The following WIPI1 variants were observed in gnomAD, a reference collection of about 807,000 sequenced individuals.
WIPI1 encodes WD repeat domain, phosphoinositide interacting 1.
In WIPI1, 45 loss-of-function variants were observed where a neutral mutation model predicts 55.3. The observed-to-expected ratio is 0.81, with a 90% CI of 0.64 to 1.04. WIPI1 has a LOEUF of 1.04. Among genes scored for constraint, WIPI1 ranks in the 50% least tolerant of loss-of-function variants. The pLI, the probability that WIPI1 is intolerant of heterozygous loss-of-function variation, is 0.00. For missense variants in WIPI1, 445 were observed against 559.0 expected (o/e 0.80, Z 2.06); for synonymous variants, 195 against 217.6 (o/e 0.90, Z 0.92).
chr17:68,421,997 G>A, intron 12 of WIPI1, 177 bp from the exon 13 acceptor site: 1 of 673,880 alleles, frequency 1.5e-6, no homozygotes, highest in Non-Finnish European at 2.6e-6. Context: ...TTTAGGTGTA[G>A]ACAAGTATGA....
At chr17:68,424,099 G>C (rs572361002) in intron 12 of WIPI1, among the ~76,000 whole-genome samples, 2 of 152,290 alleles carry the variant, frequency 1.3e-5, no homozygotes, top group African/African-American at 4.8e-5. Flanking sequence ...TTTAAGGCCA[G>C]TTGGGGCCAT....
intron 4 of WIPI1, among the ~76,000 whole-genome samples, chr17:68,443,560 A>C (rs1038251634): frequency 7.0e-6 from 1 of 142,194 alleles, no homozygotes; most frequent in African/African-American, 2.5e-5. Context: ...TCACTTTCAC[A>C]AACATTACCT....
intron 10 of WIPI1, 64 bp downstream of exon 10, chr17:68,428,765 G>T: frequency 7.7e-7 from 1 of 1,304,794 alleles, no homozygotes; most frequent in African/African-American, 1.5e-5. Context: ...GTCGTTCTTG[G>T]CGAAGGGACA....
chr17:68,453,479 CTTTTTTT>C (rs112934024), intron 1 of WIPI1, among the ~76,000 whole-genome samples: 4 of 136,200 alleles, frequency 2.9e-5, no homozygotes, highest in African/African-American at 8.2e-5. Flanking sequence ...TTTTCTTTTC[CTTTTTTT>C]TTTTTTTTTT....
At position 68,421,672 on chromosome 17, in the gene WIPI1, C is replaced by G. The variant is rs186251334; in HGVS notation, c.*101G>C. The G allele has an allele frequency of 1.1e-4, 173 of 1,539,014 alleles. No individual in the cohort carries two copies. Among genetic ancestry groups the G allele is most frequent in the Admixed American group, 3.0e-4 (18 of 59,808 alleles). Reference sequence around the variant, plus strand: ...GTGGAGCACCCGGGATTCCTGCCCCCCTTTCTGCTCACACAATTGCACTCC... The same window carrying G: ...GTGGAGCACCCGGGATTCCTGCCCCGCTTTCTGCTCACACAATTGCACTCC... On this transcript the variant is annotated 3_prime_UTR_variant, in exon 13 of 13. Transcript: ENST00000262139.
At chr17:68,427,562 G>A (rs1340240961) in intron 10 of WIPI1, 9 of 207,384 alleles carry the variant, frequency 4.3e-5, no homozygotes, top group Non-Finnish European at 8.9e-5. Flanking sequence ...TCACCATGTT[G>A]GCCAGGCTGG....
At chr17:68,444,376 C>T (rs1463433615) in intron 4 of WIPI1, 117 bp downstream of exon 4, 8 of 901,990 alleles carry the variant, frequency 8.9e-6, no homozygotes, top group Non-Finnish European at 1.4e-5. Flanking sequence ...ATAAACCTCA[C>T]TAAGACTCAA....
At chr17:68,432,958 T>G in intron 8 of WIPI1, among the ~76,000 whole-genome samples, 1 of 152,328 alleles carries the variant, frequency 6.6e-6, no homozygotes, top group East Asian at 1.9e-4. Context: ...ATTTTATCCA[T>G]TTTTTAGGCT....
chr17:68,427,333 A>G (rs1322415988), intron 10 of WIPI1, 80 bp from the exon 11 acceptor site: 1 of 1,078,614 alleles, frequency 9.3e-7, no homozygotes, highest in African/African-American at 1.6e-5. Context: ...GAAAAGCATG[A>G]AGAAGCCTGT....
Position 68,434,548 on chromosome 17 carries a change from A to G in WIPI1, c.692+8T>C, listed in dbSNP as rs763255558. The stretch of plus-strand genomic sequence containing the variant: ...GACTTTAAAATGGGTTTGACATTGA[A>G]CACAGACCTTTTCATCCCTCTCCGG... On this transcript the variant is annotated splice_region_variant and intron_variant, in intron 7 of 12. Coordinates refer to ENST00000262139, the MANE Select transcript of WIPI1 (RefSeq NM_017983.7). 1.2e-6 allele frequency: 2 copies of G among 1,613,854 alleles called. No individual in the cohort carries two copies. The highest frequency in any genetic ancestry group is 3.3e-5 in the Admixed American group (2 of 60,014).
chr17:68,450,969 T>C, intron 2 of WIPI1, 72 bp from the exon 3 acceptor site: 1 of 1,539,006 alleles, frequency 6.5e-7, no homozygotes, highest in Middle Eastern at 2.4e-4. Context: ...TCCATGACAC[T>C]GGGCCCGGCG....
chr17:68,455,551 C>A (rs533844233), intron 1 of WIPI1, among the ~76,000 whole-genome samples: 36 of 152,246 alleles, frequency 2.4e-4, no homozygotes, highest in African/African-American at 7.0e-4. Context: ...AGGGGCTTGA[C>A]TTATTTTAAA....
chr17:68,431,990 C>T (rs1467560002), intron 8 of WIPI1, among the ~76,000 whole-genome samples: 2 of 152,146 alleles, frequency 1.3e-5, no homozygotes, highest in South Asian at 2.1e-4. Context: ...CCCATGACAA[C>T]AGATGATGAA....
rs756616789 is a variant in WIPI1, at chr17:68,436,462, T to C, written c.448A>G (p.Ile150Val). ...GCCAGGTAAGAATTGGAATGGTTGA[T>C]AGAGAGAGCACATAGACCTGGCAAA... is the stretch of plus-strand genomic sequence containing the variant. ...ANPTGLCALSINHSNSYLAYP... is the reference protein window; with the variant it reads ...ANPTGLCALSVNHSNSYLAYP... Residue 150 changes from isoleucine (I) to valine (V), a missense_variant, in exon 5 of 13, where the codon ATC (isoleucine) becomes GTC (valine). Coordinates refer to ENST00000262139, the MANE Select transcript of WIPI1 (RefSeq NM_017983.7). 12 of 1,613,738 alleles carry C rather than the reference T, an allele frequency of 7.4e-6. 1 individual carries two copies. The highest frequency in any genetic ancestry group is 4.4e-5 in the South Asian group (4 of 91,062).
At chr17:68,437,948 T>TAAAAAAAAAAA (rs199649033) in intron 4 of WIPI1, among the ~76,000 whole-genome samples, 57 of 78,798 alleles carry the variant, frequency 7.2e-4, no homozygotes, top group Middle Eastern at 9.3e-3. Context: ...ACATCTCTCT[T>TAAAAAAAAAAA]AAAAAAAAAA....
In WIPI1 at chr17:68,428,911, C is replaced by T. The variant is rs141470424; in HGVS notation, c.991G>A (p.Val331Ile). The T allele has an allele frequency of 6.2e-7, 1 of 1,613,976 alleles. No individual in the cohort carries two copies. The highest frequency in any genetic ancestry group is 1.3e-5 in the African/African-American group (1 of 74,936). The change falls in exon 10 of 13, where the codon GTT (valine) becomes ATT (isoleucine). Residue 331 changes from valine to isoleucine, a missense_variant. Physicochemically the swap from Val to Ile is conservative, Grantham distance 29. Coordinates refer to ENST00000262139, the MANE Select transcript of WIPI1 (RefSeq NM_017983.7). ...STIQKLPRLL[V>I]ASSSGHLYMY... is the part of the protein sequence containing the mutation. ...TAAAGGTGTCCACTGGATGACGCAA[C>T]TAGCAGCCGTGGCAACTTCTGGATC...
rs756759444 is a variant in WIPI1, at chr17:68,430,023, C to A, written c.938G>T (p.Gly313Val). 1.9e-6 allele frequency: 3 copies of A among 1,614,066 alleles called. No individual in the cohort carries two copies. The highest frequency in any genetic ancestry group is 3.3e-4 in the Middle Eastern group (2 of 6,062). The change falls in exon 9 of 13, where the codon GGA becomes GTA. Residue 313 changes from glycine to valine, a missense_variant. Coordinates refer to ENST00000262139, the MANE Select transcript of WIPI1 (RefSeq NM_017983.7). The stretch of plus-strand genomic sequence containing the variant: ...TGAGAGGGTACAGATGTTCCTCTGT[C>A]CGGAGAAGTTCAAGCGTGCAGTGGC... ...AFATARLNFS[G>V]QRNICTLSTI...
At chr17:68,442,210 T>A (rs1172992767) in intron 4 of WIPI1, among the ~76,000 whole-genome samples, 1 of 152,164 alleles carries the variant, frequency 6.6e-6, no homozygotes, top group Non-Finnish European at 1.5e-5. Context: ...ATGCCTATAA[T>A]TCCAGCACTT....
intron 4 of WIPI1, among the ~76,000 whole-genome samples, chr17:68,441,287 A>G (rs1346262111): frequency 6.6e-6 from 1 of 152,242 alleles, no homozygotes; most frequent in African/African-American, 2.4e-5. Flanking sequence ...AAACAGACAG[A>G]AAGAAGGAAA....
Sources: gnomAD v4.1 joint callset for allele counts (sites outside exome capture counted in the v4.1 genomes callset) on GRCh38, gnomAD v4.1.1 for gene constraint, MANE v1.5 for transcripts, NCBI Gene and HGNC (gene_info 2026-07-23, HGNC 2026-07-21) for gene names.